FIGLA: variants seen among roughly 807,000 people sequenced by gnomAD.
FIGLA encodes the protein factor in the germline alpha.
Under a neutral mutation model 21.5 loss-of-function variants are expected in FIGLA, and 17 were observed. That is an observed-to-expected ratio of 0.79 (90% confidence interval 0.54 to 1.19). FIGLA has a LOEUF of 1.19. FIGLA is among the 50% of genes most tolerant of loss of function. The pLI is 0.00. For synonymous variants in FIGLA, 129 were observed against 117.6 expected, an observed-to-expected ratio of 1.10 and a Z score of -0.63; for missense variants, 282 against 285.0, an observed-to-expected ratio of 0.99 and a Z score of 0.08.
chr2:70,780,766 G>A lies in FIGLA; in HGVS notation c.610-3095C>T, dbSNP rs986149806. On this transcript the variant is annotated intron_variant, in intron 3 of 4. Transcript: ENST00000332372. ...ATTCAGTACTAATGTCATCAGTTGG[G>A]TCACAGTTAGGTAGTGAGAAGCCAC... 2.0e-5 allele frequency among the ~76,000 whole-genome samples: 3 copies of A among 152,172 alleles called. No homozygotes were observed. The East Asian group carries it at 5.8e-4, about 29-fold the overall frequency.
At chr2:70,783,512 T>C (rs1675894384) in intron 3 of FIGLA, among the ~76,000 whole-genome samples, 1 of 152,116 alleles carries the variant, frequency 6.6e-6, no homozygotes. Context: ...GAGGCTCCTG[T>C]CCCAGCCCAG....
rs144509752 is a variant in FIGLA, at chr2:70,785,873, G to A, written c.385-234C>T. On this transcript the variant is annotated intron_variant, in intron 2 of 4. Transcript: ENST00000332372. ...AAAAATATTATGGCATGGAACAGAT[G>A]GTATGTTTTACAATGAACAAAGCAC... Among the ~76,000 whole-genome samples, 231 of 152,238 alleles carry A rather than the reference G, an allele frequency of 1.5e-3. 7 individuals carry two copies. The East Asian group carries it at 0.04, about 26-fold the overall frequency.
intron 2 of FIGLA, 21 bp from the exon 3 acceptor site, chr2:70,785,660 T>A (rs782393820): frequency 6.4e-7 from 1 of 1,570,182 alleles, no homozygotes; most frequent in Non-Finnish European, 8.8e-7. Context: ...TATTTAGTTG[T>A]CAAACAGTAT....
At chr2:70,785,273 TA>T in intron 3 of FIGLA, 141 bp downstream of exon 3, 1 of 748,080 alleles carries the variant, frequency 1.3e-6, no homozygotes, top group Non-Finnish European at 2.2e-6. Context: ...CCCAAACTAG[TA>T]AACCCCACTG....
chr2:70,777,507 CT>C (rs2104594782), intron 4 of FIGLA, 125 bp from the exon 5 acceptor site: 3 of 1,409,912 alleles, frequency 2.1e-6, no homozygotes, highest in African/African-American at 2.9e-5. Context: ...AAAGATACTA[CT>C]TTTTTACCCA....
chr2:70,785,387 T>C, intron 3 of FIGLA, 28 bp downstream of exon 3: 2 of 1,536,656 alleles, frequency 1.3e-6, no homozygotes, highest in Non-Finnish European at 9.0e-7. Flanking sequence ...CTGATATCTG[T>C]ATGGGTATTT....
chr2:70,778,584 G>A (rs1675804094), intron 3 of FIGLA, among the ~76,000 whole-genome samples: 1 of 151,986 alleles, frequency 6.6e-6, no homozygotes, highest in Non-Finnish European at 1.5e-5. Context: ...ACAATATTCT[G>A]CCTATAGTCT....
intron 3 of FIGLA, among the ~76,000 whole-genome samples, chr2:70,785,041 G>A (rs1675921432): frequency 6.6e-6 from 1 of 151,594 alleles, no homozygotes; most frequent in African/African-American, 2.4e-5. Context: ...AAAACCTTTT[G>A]ATGGGTTAAA....
At position 70,777,846 on chromosome 2, in the gene FIGLA, C is replaced by T. The variant is rs114601182; in HGVS notation, c.610-175G>A. ...AAGAACAGGCACACAATGTTATGTA[C>T]CTGATGATAATTTTTTATTTTAGTT... On this transcript the variant is annotated intron_variant, in intron 3 of 4. Coordinates refer to ENST00000332372, the MANE Select transcript of FIGLA (RefSeq NM_001004311.3). Among the ~76,000 whole-genome samples, 1,778 of 152,236 alleles carry T rather than the reference C, an allele frequency of 0.012. 13 individuals are homozygous for T. Among genetic ancestry groups the T allele is most frequent in the Non-Finnish European group, 0.018 (1,207 of 68,022 alleles).
At chr2:70,787,582 G>T in intron 2 of FIGLA, 67 bp downstream of exon 2, 2 of 1,422,400 alleles carry the variant, frequency 1.4e-6, no homozygotes, top group Middle Eastern at 1.7e-4. Flanking sequence ...ACTTGGCACA[G>T]TGTCTCGTAC....
At chr2:70,789,241 TTG>T (rs1676013541) in intron 1 of FIGLA, among the ~76,000 whole-genome samples, 1 of 152,156 alleles carries the variant, frequency 6.6e-6, no homozygotes, top group Non-Finnish European at 1.5e-5. Context: ...TATATCTGTG[TTG>T]TGTCTCTTAA....
At position 70,784,128 on chromosome 2, in the gene FIGLA, A is replaced by T. The variant is rs1382543319; in HGVS notation, c.609+1287T>A. ...CAGAATATGAAAATCTACACTGAGC[A>T]TATGCACAAATGAATCCTAGAACAC... On this transcript the variant is annotated intron_variant, in intron 3 of 4. Coordinates refer to ENST00000332372, the MANE Select transcript of FIGLA (RefSeq NM_001004311.3). 2.6e-5 allele frequency among the ~76,000 whole-genome samples: 4 copies of T among 152,142 alleles called. No individual in the cohort carries two copies. The East Asian group carries it at 7.7e-4, about 29-fold the overall frequency.
intron 3 of FIGLA, among the ~76,000 whole-genome samples, chr2:70,783,147 T>G (rs1300850354): frequency 1.3e-5 from 2 of 151,336 alleles, no homozygotes. Flanking sequence ...TGCAAAAAAA[T>G]GGCACTCTTT....
intron 3 of FIGLA, among the ~76,000 whole-genome samples, chr2:70,780,073 C>T (rs1348156047): frequency 6.6e-6 from 1 of 152,204 alleles, no homozygotes; most frequent in East Asian, 1.9e-4. Context: ...CCCTCTCTGT[C>T]TGCACGAATA....
chr2:70,783,586 C>A (rs1244826897), intron 3 of FIGLA, among the ~76,000 whole-genome samples: 1 of 152,176 alleles, frequency 6.6e-6, no homozygotes, highest in African/African-American at 2.4e-5. Flanking sequence ...ATGATGACAC[C>A]TACCTGACAA....
intron 3 of FIGLA, among the ~76,000 whole-genome samples, chr2:70,779,373 C>T (rs1675815869): frequency 6.6e-6 from 1 of 152,184 alleles, no homozygotes; most frequent in Non-Finnish European, 1.5e-5. Flanking sequence ...AGACCCATCA[C>T]TTACTGTGGT....
At chr2:70,786,339 C>T (rs1675955981) in intron 2 of FIGLA, among the ~76,000 whole-genome samples, 1 of 150,878 alleles carries the variant, frequency 6.6e-6, no homozygotes, top group African/African-American at 2.4e-5. Context: ...GAGTCTCGCT[C>T]TGTTGCCAGG....
intron 2 of FIGLA, 137 bp downstream of exon 2, chr2:70,787,512 A>G: frequency 1.1e-6 from 1 of 937,728 alleles, no homozygotes; most frequent in Non-Finnish European, 1.6e-6. Context: ...TCTCTGTCAA[A>G]TAAGGGTCAT....
At chr2:70,785,908 A>G (rs1553389940) in intron 2 of FIGLA, among the ~76,000 whole-genome samples, 1 of 152,214 alleles carries the variant, frequency 6.6e-6, no homozygotes, top group East Asian at 1.9e-4. Flanking sequence ...CTTCTGTTAC[A>G]CAATTGACAT....
Sources: gnomAD v4.1 joint callset for allele counts (sites outside exome capture counted in the v4.1 genomes callset) on GRCh38, gnomAD v4.1.1 for gene constraint, MANE v1.5 for transcripts, NCBI Gene and HGNC (gene_info 2026-07-23, HGNC 2026-07-21) for gene names.